VIPAS39: variants seen among roughly 807,000 people sequenced by gnomAD.
The protein encoded by VIPAS39 is spermatogenesis-defective protein 39 homolog.
A neutral mutation model predicts 84.7 loss-of-function variants in VIPAS39; 63 were observed. The observed-to-expected ratio is 0.74, with a 90% confidence interval of 0.61 to 0.92. The LOEUF (loss-of-function observed/expected upper bound fraction) is 0.92, where lower values mean the gene tolerates loss of function less well. Ranked by LOEUF, VIPAS39 falls within the 40% of genes least tolerant of loss-of-function variation. VIPAS39 has a pLI of 0.00. For synonymous variants in VIPAS39, 192 were observed against 216.5 expected (o/e 0.89, Z 0.99); for missense variants, 499 against 604.5 (o/e 0.83, Z 1.83).
chr14:77,435,336 G>C lies in VIPAS39; in HGVS notation c.970C>G (p.Arg324Gly). 1 of 1,613,818 alleles carries C rather than the reference G, an allele frequency of 6.2e-7. No homozygotes were observed. The highest frequency in any genetic ancestry group is 8.5e-7 in the Non-Finnish European group (1 of 1,179,948). ...GGCATGTTGAGGATGGAGGCTTTGC[G>C]GGGGTGCTTTCGGAAGATCTCAGTC... ...GQTEIFRKHP[R>G]KASILNMPLV... The change falls in exon 14 of 20, where the codon CGC becomes GGC. Residue 324 changes from arginine (R) to glycine (G), a missense_variant. Transcript: ENST00000557658.
chr14:77,456,079 A>G (rs117307627), intron 1 of VIPAS39, among the ~76,000 whole-genome samples: 137 of 152,320 alleles, frequency 9.0e-4, no homozygotes, highest in Admixed American at 1.7e-3. Flanking sequence ...AACATCTATA[A>G]AAGTGTCTAG....
rs150519703 is a variant in VIPAS39 at position 77,438,648 on chromosome 14, T to C, written c.763-767A>G. ...TTAAGTTTCACTTTAGCCTCAGTATTTAACCAAAAATGAATATTTTGCTTC... is the reference window on the plus strand; with the variant it reads ...TTAAGTTTCACTTTAGCCTCAGTATCTAACCAAAAATGAATATTTTGCTTC... On this transcript the variant is annotated intron_variant, in intron 11 of 19. Transcript: ENST00000557658. 8.1e-4 allele frequency among the ~76,000 whole-genome samples: 123 copies of C among 152,346 alleles called. 1 individual carries two copies. Among genetic ancestry groups the C allele is most frequent in the African/African-American group, 2.8e-3 (115 of 41,578 alleles).
chr14:77,451,054 C>A, intron 4 of VIPAS39, 133 bp downstream of exon 4: 2 of 1,346,766 alleles, frequency 1.5e-6, no homozygotes, highest in Non-Finnish European at 2.1e-6. Flanking sequence ...CTCCTAACAC[C>A]CAGCTGCCAC....
chr14:77,448,287 T>A (rs2078828773), intron 7 of VIPAS39, among the ~76,000 whole-genome samples: 1 of 152,134 alleles, frequency 6.6e-6, no homozygotes, highest in African/African-American at 2.4e-5. Context: ...CTTTTCCCTC[T>A]CATCCATCAC....
intron 7 of VIPAS39, among the ~76,000 whole-genome samples, chr14:77,444,763 T>C (rs1207789776): frequency 6.6e-6 from 1 of 151,806 alleles, no homozygotes; most frequent in Non-Finnish European, 1.5e-5. Flanking sequence ...ATTTAATTTT[T>C]AGTAGAGACG....
chr14:77,428,594 C>T, intron 18 of VIPAS39, 120 bp from the exon 19 acceptor site: 1 of 789,676 alleles, frequency 1.3e-6, no homozygotes, highest in Non-Finnish European at 2.2e-6. Flanking sequence ...TCCTGAGTAG[C>T]TGGAACTACT....
chr14:77,444,359 G>T lies in VIPAS39; in HGVS notation c.505-18C>A. The T allele has an allele frequency of 6.2e-7, 1 of 1,600,768 alleles. No homozygotes were observed. The highest frequency in any genetic ancestry group is 8.6e-7 in the Non-Finnish European group (1 of 1,168,520). On this transcript the variant is annotated intron_variant, in intron 7 of 19. Coordinates refer to ENST00000557658, the MANE Select transcript of VIPAS39 (RefSeq NM_001193315.2). ...GAGCAAACCTGGCAGAATAACACTA[G>T]AATTAGTACACAAGAAGACAGTTTT... is the stretch of plus-strand genomic sequence containing the variant.
intron 11 of VIPAS39, among the ~76,000 whole-genome samples, chr14:77,438,432 A>G (rs551357531): frequency 6.6e-6 from 1 of 152,214 alleles, no homozygotes; most frequent in South Asian, 2.1e-4. Flanking sequence ...TTTCACTATG[A>G]TGGCCAGGCT....
At chr14:77,428,855 T>C in intron 18 of VIPAS39, 151 bp downstream of exon 18, 2 of 698,124 alleles carry the variant, frequency 2.9e-6, no homozygotes, top group South Asian at 3.3e-5. Context: ...ACAGGAGTGC[T>C]GGTCTCCAAA....
chr14:77,456,429 C>A (rs1232052407), intron 1 of VIPAS39, among the ~76,000 whole-genome samples: 1 of 152,190 alleles, frequency 6.6e-6, no homozygotes, highest in Non-Finnish European at 1.5e-5. Flanking sequence ...CTCTGGCACA[C>A]ATGTCAGTTC....
In VIPAS39 at chr14:77,444,334, G is replaced by A; in HGVS notation, c.512C>T (p.Ser171Leu). Residue 171 changes from serine (S) to leucine (L), a missense_variant, in exon 8 of 20, where the codon TCA becomes TTA. Coordinates refer to ENST00000557658, the MANE Select transcript of VIPAS39 (RefSeq NM_001193315.2). ...VRRLRKGKVC[S>L]LERFRSLQDK... ...CTGTAAGGAGCGGAATCTCTCTAGTGAGCAAACCTGGCAGAATAACACTAG... is the reference window on the plus strand; with the variant it reads ...CTGTAAGGAGCGGAATCTCTCTAGTAAGCAAACCTGGCAGAATAACACTAG... 1 of 1,613,362 alleles carries A rather than the reference G, an allele frequency of 6.2e-7. No homozygotes were observed. Among genetic ancestry groups the A allele is most frequent in the Non-Finnish European group, 8.5e-7 (1 of 1,179,502 alleles).
rs1343525893 is a variant in VIPAS39 at position 77,427,524 on chromosome 14, G to A, written c.*92C>T. Reference sequence around the variant, plus strand: ...CCCATGGGTAATGGGCCCAAGCGATGTGATGCCGCAGCTCTCCCAAAGAAG... The same window carrying A: ...CCCATGGGTAATGGGCCCAAGCGATATGATGCCGCAGCTCTCCCAAAGAAG... On this transcript the variant is annotated 3_prime_UTR_variant, in exon 20 of 20. Coordinates refer to ENST00000557658, the MANE Select transcript of VIPAS39 (RefSeq NM_001193315.2). 4 of 1,543,600 alleles carry A rather than the reference G, an allele frequency of 2.6e-6. No homozygotes were observed. In the South Asian group the frequency reaches 3.3e-5, roughly 13 times the overall value.
rs763699174 is a variant in VIPAS39 at position 77,449,746 on chromosome 14, G to C, written c.350C>G (p.Thr117Ser). The change falls in exon 5 of 20, where the codon ACT (threonine) becomes AGT (serine). Residue 117 changes from threonine (T) to serine (S), a missense_variant. Transcript: ENST00000557658. ...AAGGGACTGGAAACTTCCAGGTCTA[G>C]TTCTACCTAAAGGTAAAGAACACAA... Reference protein sequence around the residue: ...YSLSSFFRGRTRPGSFQSLSD... With the variant: ...YSLSSFFRGRSRPGSFQSLSD... The C allele has an allele frequency of 6.2e-7, 1 of 1,614,108 alleles. No individual in the cohort carries two copies. The highest frequency in any genetic ancestry group is 1.7e-5 in the Admixed American group (1 of 60,022).
At chr14:77,448,660 T>C (rs1030349462) in intron 6 of VIPAS39, 110 bp from the exon 7 acceptor site, 1 of 1,153,200 alleles carries the variant, frequency 8.7e-7, no homozygotes, top group Admixed American at 1.9e-5. Context: ...AAATAATTTG[T>C]GGGAGGGAAT....
Position 77,440,986 on chromosome 14 carries a change from G to A in VIPAS39, c.762+80C>T, listed in dbSNP as rs191760752. 114 of 1,574,176 alleles carry A rather than the reference G, an allele frequency of 7.2e-5. No homozygotes were observed. The East Asian group carries it at 2.3e-3, about 32-fold the overall frequency. On this transcript the variant is annotated intron_variant, in intron 11 of 19. Coordinates refer to ENST00000557658, the MANE Select transcript of VIPAS39 (RefSeq NM_001193315.2). ...ACCCACCTCGGCCTCCCAAAGTGCT[G>A]GGATTACAGGCGTGAGCCACTGTGC...
At chr14:77,435,743 A>G (rs1005211369) in intron 13 of VIPAS39, 101 bp downstream of exon 13, 1 of 1,309,372 alleles carries the variant, frequency 7.6e-7, no homozygotes, top group African/African-American at 1.5e-5. Context: ...TTTAGAAACC[A>G]GTAAGAAATG....
chr14:77,426,920 C>T lies in VIPAS39; in HGVS notation c.*696G>A, dbSNP rs1190088109. 6.6e-6 allele frequency: 1 copy of T among 152,234 alleles called. No individual in the cohort carries two copies. Among genetic ancestry groups the T allele is most frequent in the Non-Finnish European group, 1.5e-5 (1 of 68,090 alleles). 9.4% of individuals were successfully genotyped at this position (152,234 alleles called of 1,614,324 possible). Reference sequence around the variant, plus strand: ...CTCCAGCACTGCTGCATCTGAGCTTCTTATAAAGTGACGGGTCTTGGCCAG... The same window carrying T: ...CTCCAGCACTGCTGCATCTGAGCTTTTTATAAAGTGACGGGTCTTGGCCAG... On this transcript the variant is annotated 3_prime_UTR_variant, in exon 20 of 20. Transcript: ENST00000557658.
intron 18 of VIPAS39, 39 bp downstream of exon 18, chr14:77,428,967 G>A (rs1158305916): frequency 1.3e-6 from 2 of 1,566,628 alleles, no homozygotes; most frequent in East Asian, 2.2e-5. Flanking sequence ...CTTCGCCACT[G>A]AGGATCTAAC....
chr14:77,442,862 C>T (rs1287537569), intron 9 of VIPAS39, among the ~76,000 whole-genome samples, 200 bp from the exon 10 acceptor site: 1 of 152,156 alleles, frequency 6.6e-6, no homozygotes, highest in African/African-American at 2.4e-5. Context: ...TCACACCAAC[C>T]CAAACAGCAG....
Sources: gnomAD v4.1 joint callset for allele counts (sites outside exome capture counted in the v4.1 genomes callset) on GRCh38, gnomAD v4.1.1 for gene constraint, MANE v1.5 for transcripts, NCBI Gene and HGNC (gene_info 2026-07-23, HGNC 2026-07-21) for gene names.